Variants in ADCY2 observed in about 807,000 individuals in gnomAD.
ADCY2 encodes adenylate cyclase type 2.
In ADCY2, 31 loss-of-function variants were observed where a neutral mutation model predicts 125.2. The ratio of observed to expected loss-of-function variants is 0.25; its 90% CI spans 0.19 to 0.33. The LOEUF (loss-of-function observed/expected upper bound fraction) is 0.33. Among genes scored for constraint, ADCY2 ranks in the 10% least tolerant of loss-of-function variants. The pLI, the probability that ADCY2 is intolerant of heterozygous loss-of-function variation, is 1.00. For synonymous variants in ADCY2, 512 were observed against 548.4 expected, an observed-to-expected ratio of 0.93 and a Z score of 0.93; for missense variants, 904 against 1,418.2, an observed-to-expected ratio of 0.64 and a Z score of 5.82.
rs115822536 is a variant in ADCY2 at position 7,411,045 on chromosome 5, T to C, written c.211-3528T>C. Among the ~76,000 whole-genome samples, 616 of 152,302 alleles carry C rather than the reference T, an allele frequency of 4.0e-3. 3 individuals are homozygous for C. The highest frequency in any genetic ancestry group is 0.014 in the African/African-American group (601 of 41,570). ...TGCAGGCAGCGAGGCCAGGGAAGAC[T>C]GTGGCCTGTAAGCTCGTACATCCTC... is the stretch of plus-strand genomic sequence containing the variant. On this transcript the variant is annotated intron_variant, in intron 1 of 24. Coordinates refer to ENST00000338316, the MANE Select transcript of ADCY2 (RefSeq NM_020546.3).
At chr5:7,816,103 C>T (rs1186054973) in intron 22 of ADCY2, among the ~76,000 whole-genome samples, 1 of 152,208 alleles carries the variant, frequency 6.6e-6, no homozygotes, top group Non-Finnish European at 1.5e-5. Flanking sequence ...TTAATCACCC[C>T]TTTAAAGACC....
intron 4 of ADCY2, among the ~76,000 whole-genome samples, chr5:7,650,394 T>A (rs977354489): frequency 3.9e-5 from 6 of 152,208 alleles, no homozygotes; most frequent in African/African-American, 1.4e-4. Context: ...TATTAATTTA[T>A]ATCCTTTGGT....
At chr5:7,778,756 A>G (rs1743820531) in intron 18 of ADCY2, among the ~76,000 whole-genome samples, 1 of 152,164 alleles carries the variant, frequency 6.6e-6, no homozygotes, top group African/African-American at 2.4e-5. Context: ...ATGTATTTTC[A>G]CAATGTCCTA....
intron 2 of ADCY2, among the ~76,000 whole-genome samples, chr5:7,471,574 G>A (rs1246592245): frequency 1.3e-5 from 2 of 151,634 alleles, no homozygotes; most frequent in Non-Finnish European, 1.5e-5. Context: ...TCTATAATAT[G>A]TGGCTATCTT....
intron 3 of ADCY2, among the ~76,000 whole-genome samples, chr5:7,582,508 C>T (rs115397003): frequency 6.6e-6 from 1 of 151,956 alleles, no homozygotes; most frequent in Admixed American, 6.6e-5. Context: ...AATTTATACA[C>T]AAAATTCTTA....
At chr5:7,397,949 C>G (rs562928321) in intron 1 of ADCY2, among the ~76,000 whole-genome samples, 2 of 152,174 alleles carry the variant, frequency 1.3e-5, no homozygotes, top group Non-Finnish European at 2.9e-5. Context: ...TTTTATCTCT[C>G]TTTACTACTT....
chr5:7,591,092 G>A (rs535984845), intron 3 of ADCY2, among the ~76,000 whole-genome samples: 181 of 152,186 alleles, frequency 1.2e-3, no homozygotes, highest in African/African-American at 4.2e-3. Flanking sequence ...CGTGATTACT[G>A]GTGACGTTAT....
In ADCY2 at chr5:7,587,931, T is replaced by G. The variant is rs948377313; in HGVS notation, c.571-38236T>G. ...AATGACCAGGACAGGCCAACAGTCT[T>G]ATTAAAATTATTGTGTCAATACTAG... On this transcript the variant is annotated intron_variant, in intron 3 of 24. Transcript: ENST00000338316. Among the ~76,000 whole-genome samples the G allele has an allele frequency of 2.6e-5, 4 of 152,290 alleles. No individual in the cohort carries two copies. In the East Asian group the frequency reaches 7.7e-4, roughly 29 times the overall value.
chr5:7,667,792 C>A (rs574004751), intron 4 of ADCY2, among the ~76,000 whole-genome samples: 1 of 152,304 alleles, frequency 6.6e-6, no homozygotes, highest in African/African-American at 2.4e-5. Context: ...AACCTCCCTC[C>A]CTCTATTAAG....
chr5:7,758,613 A>G (rs181297510), intron 16 of ADCY2, among the ~76,000 whole-genome samples: 2 of 152,332 alleles, frequency 1.3e-5, no homozygotes, highest in African/African-American at 2.4e-5. Flanking sequence ...TCAGACCCCA[A>G]AGACAGTTCT....
At chr5:7,566,258 A>C (rs1387311346) in intron 3 of ADCY2, among the ~76,000 whole-genome samples, 1 of 152,194 alleles carries the variant, frequency 6.6e-6, no homozygotes, top group African/African-American at 2.4e-5. Context: ...AGGCCAAGGC[A>C]GAAGGATCAC....
intron 3 of ADCY2, among the ~76,000 whole-genome samples, chr5:7,570,801 A>G (rs1325801832): frequency 1.3e-5 from 2 of 152,116 alleles, no homozygotes; most frequent in East Asian, 3.9e-4. Flanking sequence ...GTTTAACTTA[A>G]TTTCATGGGA....
intron 22 of ADCY2, among the ~76,000 whole-genome samples, chr5:7,815,051 A>T (rs1201951362): frequency 2.0e-5 from 3 of 152,114 alleles, no homozygotes; most frequent in Admixed American, 6.5e-5. Context: ...TAGTGGGCAC[A>T]TTCACGATCC....
At chr5:7,565,579 C>T (rs1176280266) in intron 3 of ADCY2, among the ~76,000 whole-genome samples, 1 of 152,202 alleles carries the variant, frequency 6.6e-6, no homozygotes, top group Non-Finnish European at 1.5e-5. Context: ...AAAACAAAGT[C>T]ATGCTCACAC....
At chr5:7,600,868 G>T (rs1043648647) in intron 3 of ADCY2, among the ~76,000 whole-genome samples, 2 of 152,122 alleles carry the variant, frequency 1.3e-5, no homozygotes, top group Admixed American at 6.5e-5. Flanking sequence ...GCCATAGGAG[G>T]CTGGAAAGGC....
At chr5:7,745,069 T>C (rs1742557597) in intron 15 of ADCY2, among the ~76,000 whole-genome samples, 1 of 152,234 alleles carries the variant, frequency 6.6e-6, no homozygotes, top group Non-Finnish European at 1.5e-5. Flanking sequence ...TGTGGCTTTA[T>C]TGCAATGTTG....
intron 12 of ADCY2, among the ~76,000 whole-genome samples, chr5:7,718,751 AG>A (rs1741671878): frequency 6.6e-6 from 1 of 152,260 alleles, no homozygotes; most frequent in East Asian, 1.9e-4. Flanking sequence ...GCCTGGCACT[AG>A]GGTCAGTGTG....
At chr5:7,540,418 C>A (rs1163217492) in intron 3 of ADCY2, among the ~76,000 whole-genome samples, 2 of 152,216 alleles carry the variant, frequency 1.3e-5, no homozygotes, top group African/African-American at 4.8e-5. Context: ...GGTCTCAACA[C>A]CTCCACTCTG....
intron 2 of ADCY2, among the ~76,000 whole-genome samples, chr5:7,416,178 T>C (rs973905106): frequency 2.6e-5 from 4 of 152,134 alleles, no homozygotes; most frequent in Non-Finnish European, 5.9e-5. Flanking sequence ...TGTTGGTAAG[T>C]AGTCATGTGA....
Sources: allele counts gnomAD v4.1 joint callset (sites outside exome capture counted in the v4.1 genomes callset), GRCh38; gene constraint gnomAD v4.1.1; transcripts MANE v1.5; gene names NCBI Gene and HGNC (gene_info 2026-07-23, HGNC 2026-07-21).